Variants in SLC24A3 observed in about 807,000 individuals in gnomAD.
SLC24A3 encodes the protein solute carrier family 24 member 3.
SLC24A3 carries 28 observed loss-of-function variants against 75.8 expected under a neutral mutation model. That is an observed-to-expected ratio of 0.37 (90% CI 0.27 to 0.51). SLC24A3 has a LOEUF of 0.51. SLC24A3 is among the 20% of genes least tolerant of loss of function. SLC24A3 has a pLI of 0.94. For missense variants in SLC24A3, 663 were observed against 847.8 expected (o/e 0.78, Z 2.71); for synonymous variants, 372 against 334.1 (o/e 1.11, Z -1.24).
intron 2 of SLC24A3, among the ~76,000 whole-genome samples, chr20:19,370,675 C>T (rs1985977326): frequency 6.6e-6 from 1 of 152,218 alleles, no homozygotes; most frequent in Non-Finnish European, 1.5e-5. Flanking sequence ...CCCTCTGCCT[C>T]CAAATCAGGT....
At position 19,383,906 on chromosome 20, in the gene SLC24A3, C is replaced by T. The variant is rs1600457736; in HGVS notation, c.271+102819C>T. Among the ~76,000 whole-genome samples the T allele has an allele frequency of 2.6e-5, 4 of 152,322 alleles. No homozygotes were observed. In the East Asian group the frequency reaches 5.8e-4, roughly 22 times the overall value. ...TACCTCCCAAACGCCCATCTCCTAACACCATCACCTTGGGGATTAGCGATT... is the reference window on the plus strand; with the variant it reads ...TACCTCCCAAACGCCCATCTCCTAATACCATCACCTTGGGGATTAGCGATT... On this transcript the variant is annotated intron_variant, in intron 2 of 16. Coordinates refer to ENST00000328041, the MANE Select transcript of SLC24A3 (RefSeq NM_020689.4).
chr20:19,287,332 G>T (rs1280245939), intron 2 of SLC24A3, among the ~76,000 whole-genome samples: 1 of 152,218 alleles, frequency 6.6e-6, no homozygotes, highest in Non-Finnish European at 1.5e-5. Flanking sequence ...GCTCACCGAT[G>T]CTCACATTCC....
At chr20:19,328,170 T>A (rs1279363922) in intron 2 of SLC24A3, among the ~76,000 whole-genome samples, 5 of 152,000 alleles carry the variant, frequency 3.3e-5, no homozygotes, top group South Asian at 4.2e-4. Context: ...GCACGCTTGG[T>A]GTGTCCAGAG....
chr20:19,361,736 T>C (rs1483593180), intron 2 of SLC24A3, among the ~76,000 whole-genome samples: 2 of 152,248 alleles, frequency 1.3e-5, no homozygotes, highest in Non-Finnish European at 2.9e-5. Context: ...TATTTTGAAA[T>C]GTATTTTTTA....
intron 1 of SLC24A3, among the ~76,000 whole-genome samples, chr20:19,270,705 C>T (rs1352803815): frequency 6.6e-6 from 1 of 151,920 alleles, no homozygotes; most frequent in African/African-American, 2.4e-5. Flanking sequence ...TTGACACCAA[C>T]ATTCCATACT....
intron 2 of SLC24A3, among the ~76,000 whole-genome samples, chr20:19,313,747 C>A (rs962578078): frequency 6.6e-6 from 1 of 152,240 alleles, no homozygotes; most frequent in Non-Finnish European, 1.5e-5. Flanking sequence ...GCTTTCAGAG[C>A]AGGTCCTGGG....
At chr20:19,261,943 G>A (rs573494306) in intron 1 of SLC24A3, 1 of 152,352 alleles carries the variant, frequency 6.6e-6, no homozygotes, top group East Asian at 1.9e-4. Flanking sequence ...TTTCTGCAGG[G>A]AGTGTGGGTG....
chr20:19,325,767 T>C (rs1447021632), intron 2 of SLC24A3, among the ~76,000 whole-genome samples: 10 of 65,066 alleles, frequency 1.5e-4, no homozygotes, highest in African/African-American at 8.5e-4. Flanking sequence ...CATACATACA[T>C]ATATATATAC....
chr20:19,457,009 G>C (rs1987589496), intron 2 of SLC24A3, among the ~76,000 whole-genome samples: 1 of 152,208 alleles, frequency 6.6e-6, no homozygotes, highest in African/African-American at 2.4e-5. Flanking sequence ...TATAAGAGGA[G>C]GCATGTGCCA....
chr20:19,623,956 T>C (rs1457552651), intron 6 of SLC24A3, among the ~76,000 whole-genome samples: 1 of 152,194 alleles, frequency 6.6e-6, no homozygotes, highest in Non-Finnish European at 1.5e-5. Flanking sequence ...AAGAGCATGC[T>C]TTCTTCTCCA....
At chr20:19,618,757 A>G (rs2031769215) in intron 6 of SLC24A3, among the ~76,000 whole-genome samples, 1 of 152,202 alleles carries the variant, frequency 6.6e-6, no homozygotes, top group Admixed American at 6.5e-5. Flanking sequence ...CTCGTGAGTT[A>G]GGTATGATCT....
rs142611512 is a variant in SLC24A3 at position 19,720,997 on chromosome 20, G to A, written c.1792G>A (p.Gly598Ser). The stretch of plus-strand genomic sequence containing the variant: ...CCTGTTCTGTGCCCTGCAGGTGTTC[G>A]GCGTCCACCTGAACAAGTGGCAGCT... ...LLASVFVTVFGVHLNKWQLDK... is the reference protein window; with the variant it reads ...LLASVFVTVFSVHLNKWQLDK... Residue 598 changes from glycine to serine, a missense_variant, in exon 17 of 17, where the codon GGC (glycine) becomes AGC (serine). Around this residue, in one of 2 missense-constraint regions of SLC24A3, gnomAD observed 510 missense variants for 703.6 expected, o/e 0.72. Transcript: ENST00000328041. 5.2e-4 allele frequency: 835 copies of A among 1,613,642 alleles called. 1 individual carries two copies. The African/African-American group carries it at 5.9e-3, about 11-fold the overall frequency.
chr20:19,558,104 C>T lies in SLC24A3; in HGVS notation c.349-21896C>T, dbSNP rs369988956. Among the ~76,000 whole-genome samples, 71 of 152,170 alleles carry T rather than the reference C, an allele frequency of 4.7e-4. No homozygotes were observed. In the Middle Eastern group the frequency reaches 0.01, roughly 22 times the overall value. On this transcript the variant is annotated intron_variant, in intron 3 of 16. Transcript: ENST00000328041. The stretch of plus-strand genomic sequence containing the variant: ...TGGAGCTTCCCCTCTTTACTGTGTC[C>T]TCATTTCAGGGCCCTTGAAGAAACA...
At chr20:19,299,118 T>C (rs1984131894) in intron 2 of SLC24A3, among the ~76,000 whole-genome samples, 1 of 152,142 alleles carries the variant, frequency 6.6e-6, no homozygotes, top group South Asian at 2.1e-4. Flanking sequence ...TTCAATGTTG[T>C]TGAGTTGGGG....
chr20:19,654,619 C>T (rs1484130857), intron 7 of SLC24A3, among the ~76,000 whole-genome samples: 1 of 149,844 alleles, frequency 6.7e-6, no homozygotes, highest in African/African-American at 2.5e-5. Flanking sequence ...TGCCCCAACT[C>T]AACATGTCCC....
chr20:19,692,677 G>A (rs1374133255), intron 12 of SLC24A3, among the ~76,000 whole-genome samples: 3 of 152,248 alleles, frequency 2.0e-5, no homozygotes, highest in East Asian at 1.9e-4. Flanking sequence ...AAATATGTAT[G>A]CATATTTATT....
chr20:19,444,766 T>G (rs1182721204), intron 2 of SLC24A3, among the ~76,000 whole-genome samples: 1 of 152,144 alleles, frequency 6.6e-6, no homozygotes, highest in Non-Finnish European at 1.5e-5. Flanking sequence ...GAACTATCTT[T>G]TTGTTTTGCT....
rs1041474031 is a variant in SLC24A3 at position 19,669,615 on chromosome 20, G to GT, written c.713+3727dup. ...GGAATTCGGAATGTGTCTTCAGGGA[G>GT]TCTGAAGGCCCAACAAGAAAACTAA... On this transcript the variant is annotated intron_variant, in intron 8 of 16. Coordinates refer to ENST00000328041, the MANE Select transcript of SLC24A3 (RefSeq NM_020689.4). Among the ~76,000 whole-genome samples, 5 of 152,312 alleles carry GT rather than the reference G, an allele frequency of 3.3e-5. No homozygotes were observed. In the East Asian group the frequency reaches 9.6e-4, roughly 29 times the overall value.
At chr20:19,276,538 G>A (rs941008142) in intron 1 of SLC24A3, among the ~76,000 whole-genome samples, 1 of 152,176 alleles carries the variant, frequency 6.6e-6, no homozygotes, top group Non-Finnish European at 1.5e-5. Flanking sequence ...GTAGGCAGTT[G>A]TAACACAGTG....
Sources: gnomAD v4.1 joint callset for allele counts (sites outside exome capture counted in the v4.1 genomes callset) on GRCh38, gnomAD v4.1.1 for gene constraint, gnomAD v4.1.1 regional missense constraint, MANE v1.5 for transcripts, NCBI Gene and HGNC (gene_info 2026-07-23, HGNC 2026-07-21) for gene names.